Variants in ICOS observed in about 807,000 individuals in gnomAD.
ICOS encodes inducible T-cell costimulator.
In ICOS, 15 loss-of-function variants were observed where a neutral mutation model predicts 24.6. The observed-to-expected ratio is 0.61, with a 90% CI of 0.41 to 0.94. The LOEUF (loss-of-function observed/expected upper bound fraction) is 0.94. Among genes scored for constraint, ICOS ranks in the 40% least tolerant of loss-of-function variants. ICOS has a pLI of 0.00. For missense variants in ICOS, 200 were observed against 233.0 expected, an observed-to-expected ratio of 0.86 and a Z score of 0.92; for synonymous variants, 89 against 77.5, an observed-to-expected ratio of 1.15 and a Z score of -0.78.
intron 1 of ICOS, among the ~76,000 whole-genome samples, chr2:203,939,311 G>A (rs138035290): frequency 1.6e-3 from 246 of 152,214 alleles, no homozygotes; most frequent in African/African-American, 5.8e-3. Flanking sequence ...AATTAAGAAG[G>A]ATGGGAATCT....
Position 203,941,025 on chromosome 2 carries a change from C to CCGCCCACCTCCG in ICOS, c.58+4155_58+4166dup, listed in dbSNP as rs1689761952. ...GGTCTCAATTTCCTGACCTCGTGAT[C>CCGCCCACCTCCG]CGCCCACCTCCGCCTCCGCCTCCGC... On this transcript the variant is annotated intron_variant, in intron 1 of 4. Transcript: ENST00000316386. Among the ~76,000 whole-genome samples, 3 of 150,682 alleles carry CCGCCCACCTCCG rather than the reference C, an allele frequency of 2.0e-5. No homozygotes were observed. In the South Asian group the frequency reaches 6.3e-4, roughly 31 times the overall value.
chr2:203,959,613 C>A lies in ICOS; in HGVS notation c.*14C>A. 6.2e-7 allele frequency: 1 copy of A among 1,612,554 alleles called. No individual in the cohort carries two copies. Among genetic ancestry groups the A allele is most frequent in the Non-Finnish European group, 8.5e-7 (1 of 1,178,716 alleles). On this transcript the variant is annotated 3_prime_UTR_variant, in exon 5 of 5. Coordinates refer to ENST00000316386, the MANE Select transcript of ICOS (RefSeq NM_012092.4). ...GTGACCCTATAATATGGAACTCTGG[C>A]ACCCAGGCATGAAGCACGTTGGCCA... is the stretch of plus-strand genomic sequence containing the variant.
At chr2:203,946,399 T>C (rs1450042657) in intron 1 of ICOS, among the ~76,000 whole-genome samples, 1 of 135,570 alleles carries the variant, frequency 7.4e-6, no homozygotes, top group African/African-American at 2.7e-5. Flanking sequence ...TCCTCACTTT[T>C]CTTCTTCCCA....
chr2:203,937,623 C>A (rs1689680385), intron 1 of ICOS, among the ~76,000 whole-genome samples: 1 of 151,916 alleles, frequency 6.6e-6, no homozygotes, highest in South Asian at 2.1e-4. Flanking sequence ...GAGCCCTATT[C>A]TTGAGGTTGA....
At chr2:203,952,897 T>C (rs1325432663) in intron 1 of ICOS, among the ~76,000 whole-genome samples, 1 of 152,206 alleles carries the variant, frequency 6.6e-6, no homozygotes, top group African/African-American at 2.4e-5. Context: ...TGTCTCATTA[T>C]TTTTGTGATG....
intron 1 of ICOS, among the ~76,000 whole-genome samples, chr2:203,951,078 G>A (rs1327552593): frequency 2.6e-5 from 4 of 151,588 alleles, no homozygotes; most frequent in African/African-American, 9.7e-5. Flanking sequence ...AAAAAAAAGA[G>A]TGTCCAATAG....
Position 203,936,847 on chromosome 2 carries a change from C to T in ICOS, c.33C>T (p.Phe11=), listed in dbSNP as rs772856321. The T allele has an allele frequency of 1.2e-6, 2 of 1,612,212 alleles. No homozygotes were observed. Among genetic ancestry groups the T allele is most frequent in the African/African-American group, 2.7e-5 (2 of 74,852 alleles). Residue 11 remains phenylalanine (F), a synonymous_variant, in exon 1 of 5, where the codon TTC becomes TTT. Coordinates refer to ENST00000316386, the MANE Select transcript of ICOS (RefSeq NM_012092.4). MKSGLWYFFL[F]CLRIKVLTGE... ...CAGGCCTCTGGTATTTCTTTCTCTT[C>T]TGCTTGCGCATTAAAGTTTTAACAG...
intron 1 of ICOS, among the ~76,000 whole-genome samples, chr2:203,946,157 T>C (rs553699831): frequency 6.6e-6 from 1 of 152,368 alleles, no homozygotes; most frequent in South Asian, 2.1e-4. Context: ...AATAACTTGT[T>C]TGTAAATTAA....
chr2:203,950,080 A>C (rs1689943034), intron 1 of ICOS, among the ~76,000 whole-genome samples: 1 of 152,238 alleles, frequency 6.6e-6, no homozygotes, highest in South Asian at 2.1e-4. Context: ...TTGTCATTTG[A>C]GCATTGTCTT....
intron 1 of ICOS, among the ~76,000 whole-genome samples, chr2:203,939,704 T>G (rs904462201): frequency 3.3e-5 from 5 of 152,168 alleles, no homozygotes; most frequent in Non-Finnish European, 7.4e-5. Flanking sequence ...GACTCCTGAA[T>G]TCCACTTGGG....
chr2:203,937,250 A>G (rs962393556), intron 1 of ICOS, among the ~76,000 whole-genome samples: 2 of 152,184 alleles, frequency 1.3e-5, no homozygotes, highest in Non-Finnish European at 2.9e-5. Flanking sequence ...TTGGACTGGG[A>G]ATTCTTTCTG....
intron 1 of ICOS, among the ~76,000 whole-genome samples, chr2:203,944,380 G>T (rs1240906901): frequency 6.6e-6 from 1 of 152,124 alleles, no homozygotes; most frequent in Non-Finnish European, 1.5e-5. Context: ...CTCACCTCCA[G>T]ATAAAGTCGG....
intron 1 of ICOS, among the ~76,000 whole-genome samples, chr2:203,941,245 C>G (rs1032974903): frequency 2.0e-5 from 3 of 152,044 alleles, no homozygotes; most frequent in Non-Finnish European, 2.9e-5. Flanking sequence ...CTAGAAATGT[C>G]TCTTATTCTT....
Position 203,960,071 on chromosome 2 carries a change from A to T in ICOS, c.*472A>T. 1 of 256,822 alleles carries T rather than the reference A, an allele frequency of 3.9e-6. No homozygotes were observed. Among genetic ancestry groups the T allele is most frequent in the Middle Eastern group, 1.4e-3 (1 of 692 alleles). 15.9% of individuals were successfully genotyped at this position (256,822 alleles called of 1,614,324 possible). A position where few individuals can be genotyped will look rare whatever the true frequency, so the allele number is the denominator to read the frequency against. The stretch of plus-strand genomic sequence containing the variant: ...TTCCTCTTTTAATCAGTCAAGGGAG[A>T]TGCTTCAAAGCTGGAGCTATTTTAT... On this transcript the variant is annotated 3_prime_UTR_variant, in exon 5 of 5. Coordinates refer to ENST00000316386, the MANE Select transcript of ICOS (RefSeq NM_012092.4).
intron 1 of ICOS, among the ~76,000 whole-genome samples, chr2:203,947,497 C>T (rs943062298): frequency 5.9e-5 from 9 of 151,938 alleles, no homozygotes; most frequent in Non-Finnish European, 1.3e-4. Flanking sequence ...TTAGTAGAGA[C>T]GGAGTTTCAC....
chr2:203,946,576 C>G (rs574819678), intron 1 of ICOS, among the ~76,000 whole-genome samples: 58 of 152,218 alleles, frequency 3.8e-4, no homozygotes, highest in Non-Finnish European at 7.8e-4. Context: ...ATATAAAAAT[C>G]TACTAACCAG....
At position 203,960,849 on chromosome 2, in the gene ICOS, T is replaced by C. The variant is rs1392872355; in HGVS notation, c.*1250T>C. 2 of 152,182 alleles carry C rather than the reference T, an allele frequency of 1.3e-5. No homozygotes were observed. The highest frequency in any genetic ancestry group is 6.5e-5 in the Admixed American group (1 of 15,286). The allele number at this position is 152,182 out of a possible 1,614,324, so 9.4% of individuals were successfully genotyped here. On this transcript the variant is annotated 3_prime_UTR_variant, in exon 5 of 5. Transcript: ENST00000316386. ...GCTGAAGTCACCCTGGGAATCACAG[T>C]GGTCTACCTGCATTCATAATTCCAG... is the stretch of plus-strand genomic sequence containing the variant.
At chr2:203,946,751 C>T (rs1689877087) in intron 1 of ICOS, among the ~76,000 whole-genome samples, 1 of 152,022 alleles carries the variant, frequency 6.6e-6, no homozygotes, top group Admixed American at 6.5e-5. Flanking sequence ...AGACTTTTGC[C>T]TCTTGTGTCA....
chr2:203,939,677 T>C (rs1326482947), intron 1 of ICOS, among the ~76,000 whole-genome samples: 3 of 152,184 alleles, frequency 2.0e-5, no homozygotes, highest in Admixed American at 1.3e-4. Context: ...CCTTTGTCAC[T>C]GAGGCATTCC....
Sources: gnomAD v4.1 joint callset for allele counts (sites outside exome capture counted in the v4.1 genomes callset) on GRCh38, gnomAD v4.1.1 for gene constraint, MANE v1.5 for transcripts, NCBI Gene and HGNC (gene_info 2026-07-23, HGNC 2026-07-21) for gene names.